Variants in GOLM2 observed in about 807,000 individuals in gnomAD.
GOLM2 encodes protein GOLM2.
A neutral mutation model predicts 55.9 loss-of-function variants in GOLM2; 26 were observed. The ratio of observed to expected loss-of-function variants is 0.47; its 90% CI spans 0.34 to 0.65. The LOEUF is 0.65. GOLM2 is among the 30% of genes least tolerant of loss of function. The probability of loss-of-function intolerance (pLI) is 0.01; values close to 1 mark genes in which losing one functional copy is unlikely to be tolerated. For missense variants in GOLM2, 486 were observed against 531.8 expected, an observed-to-expected ratio of 0.91 and a Z score of 0.85; for synonymous variants, 165 against 194.6, an observed-to-expected ratio of 0.85 and a Z score of 1.27.
At chr15:44,369,699 C>CACAT (rs766517597) in intron 6 of GOLM2, among the ~76,000 whole-genome samples, 1 of 71,324 alleles carries the variant, frequency 1.4e-5, no homozygotes, top group Non-Finnish European at 4.4e-5. Flanking sequence ...TGCATACACA[C>CACAT]ACACACACAC....
At chr15:44,384,622 C>A (rs1033820473) in intron 8 of GOLM2, among the ~76,000 whole-genome samples, 31 of 152,162 alleles carry the variant, frequency 2.0e-4, no homozygotes, top group Admixed American at 1.9e-3. Flanking sequence ...TGGCGGGCGC[C>A]TGTAGTCCCA....
At chr15:44,351,314 C>T (rs544819125) in intron 6 of GOLM2, among the ~76,000 whole-genome samples, 5 of 152,142 alleles carry the variant, frequency 3.3e-5, no homozygotes, top group African/African-American at 7.2e-5. Flanking sequence ...TGGTGGCTCA[C>T]GCCTGTAATC....
intron 6 of GOLM2, among the ~76,000 whole-genome samples, chr15:44,350,324 A>G (rs2079153186): frequency 6.6e-6 from 1 of 152,210 alleles, no homozygotes; most frequent in African/African-American, 2.4e-5. Flanking sequence ...TCAAAGGATC[A>G]CTAGAGGGTA....
chr15:44,290,653 A>G (rs2078713954), intron 1 of GOLM2, among the ~76,000 whole-genome samples: 1 of 152,190 alleles, frequency 6.6e-6, no homozygotes, highest in Non-Finnish European at 1.5e-5. Flanking sequence ...GAAAGTTTGG[A>G]GTATTAAAGT....
intron 1 of GOLM2, among the ~76,000 whole-genome samples, chr15:44,312,833 C>A (rs1012882297): frequency 1.3e-5 from 2 of 152,140 alleles, no homozygotes; most frequent in Non-Finnish European, 2.9e-5. Context: ...GTAATCCCAG[C>A]ACTTTGGGAG....
At chr15:44,369,255 T>C (rs1384570211) in intron 6 of GOLM2, among the ~76,000 whole-genome samples, 3 of 147,804 alleles carry the variant, frequency 2.0e-5, no homozygotes, top group African/African-American at 7.5e-5. Context: ...TGTATATATA[T>C]GTATATATGT....
intron 6 of GOLM2, among the ~76,000 whole-genome samples, chr15:44,342,423 C>G (rs2079096312): frequency 6.6e-6 from 1 of 152,002 alleles, no homozygotes. Context: ...GCCACCACAT[C>G]CAGCTAATTT....
At chr15:44,293,424 A>C (rs2078734988) in intron 1 of GOLM2, among the ~76,000 whole-genome samples, 1 of 152,126 alleles carries the variant, frequency 6.6e-6, no homozygotes, top group African/African-American at 2.4e-5. Flanking sequence ...GTCCTTTTTT[A>C]ATTCCAGGAT....
intron 4 of GOLM2, 72 bp from the exon 5 acceptor site, chr15:44,337,691 T>C (rs1461506431): frequency 9.0e-7 from 1 of 1,115,718 alleles, no homozygotes; most frequent in Non-Finnish European, 1.3e-6. Flanking sequence ...TTTCAGAACA[T>C]TTAATTAATA....
At chr15:44,319,552 G>A (rs948465718) in intron 1 of GOLM2, among the ~76,000 whole-genome samples, 6 of 152,022 alleles carry the variant, frequency 3.9e-5, no homozygotes, top group African/African-American at 1.4e-4. Context: ...CCATAGTAAT[G>A]TGTGAGTGGG....
At chr15:44,322,225 G>A (rs1489422963) in intron 1 of GOLM2, among the ~76,000 whole-genome samples, 2 of 152,170 alleles carry the variant, frequency 1.3e-5, no homozygotes, top group Non-Finnish European at 2.9e-5. Flanking sequence ...AAGATTAGCT[G>A]GGTGTGGTGG....
chr15:44,359,062 A>G (rs1220732787), intron 6 of GOLM2, among the ~76,000 whole-genome samples: 1 of 151,908 alleles, frequency 6.6e-6, no homozygotes, highest in East Asian at 1.9e-4. Flanking sequence ...AGGCAGGAGA[A>G]TGGCGTGAAC....
At chr15:44,373,443 C>A (rs1416585412) in intron 6 of GOLM2, among the ~76,000 whole-genome samples, 1 of 143,952 alleles carries the variant, frequency 6.9e-6, no homozygotes, top group Non-Finnish European at 1.5e-5. Context: ...GGCGACAGAG[C>A]GAGACTCCGT....
intron 6 of GOLM2, among the ~76,000 whole-genome samples, chr15:44,352,641 G>C (rs920808286): frequency 6.6e-6 from 1 of 152,104 alleles, no homozygotes; most frequent in Non-Finnish European, 1.5e-5. Flanking sequence ...GCCAGGTGCA[G>C]TGGCTGACAC....
At chr15:44,372,903 G>A (rs896803676) in intron 6 of GOLM2, among the ~76,000 whole-genome samples, 2 of 151,950 alleles carry the variant, frequency 1.3e-5, no homozygotes, top group African/African-American at 4.8e-5. Flanking sequence ...TTGTTTGAAT[G>A]TTCTTCCTCC....
intron 9 of GOLM2, among the ~76,000 whole-genome samples, chr15:44,410,417 T>TG (rs1419055102): frequency 6.6e-6 from 1 of 152,184 alleles, no homozygotes; most frequent in African/African-American, 2.4e-5. Context: ...GGCGACCCAG[T>TG]GAGACTCCGT....
chr15:44,373,781 G>C (rs1479713995), intron 6 of GOLM2, among the ~76,000 whole-genome samples: 1 of 151,886 alleles, frequency 6.6e-6, no homozygotes, highest in Admixed American at 6.6e-5. Context: ...CAAAAAAACA[G>C]ATCTTGGCAT....
chr15:44,376,667 A>T (rs1041653612), intron 6 of GOLM2, among the ~76,000 whole-genome samples: 1 of 152,196 alleles, frequency 6.6e-6, no homozygotes, highest in Non-Finnish European at 1.5e-5. Context: ...AGTATCTCCT[A>T]TACAAAATTG....
At chr15:44,369,206 A>ATG (rs551489001) in intron 6 of GOLM2, among the ~76,000 whole-genome samples, 9,470 of 110,046 alleles carry the variant, frequency 0.086, 482 homozygotes, top group African/African-American at 0.2. Flanking sequence ...ATATATATAT[A>ATG]TGTGTGTGTG....
Sources: allele counts gnomAD v4.1 joint callset (sites outside exome capture counted in the v4.1 genomes callset), GRCh38; gene constraint gnomAD v4.1.1; transcripts MANE v1.5; gene names NCBI Gene and HGNC (gene_info 2026-07-23, HGNC 2026-07-21).